Variants in SMIM26 observed in about 807,000 individuals in gnomAD.
The protein encoded by SMIM26 is long intergenic non-protein coding RNA 493.
A neutral mutation model predicts 2.5 loss-of-function variants in SMIM26; 2 were observed. The observed-to-expected ratio is 0.80, with a 90% CI of 0.33 to 2.53. The LOEUF is 2.53. Among genes scored for constraint, SMIM26 ranks in the 30% most tolerant of loss-of-function variants. The probability of loss-of-function intolerance (pLI) is 0.11; values close to 1 mark genes in which losing one functional copy is unlikely to be tolerated. For synonymous variants in SMIM26, 32 were observed against 17.8 expected (o/e 1.80, Z -2.01); for missense variants, 77 against 46.1 (o/e 1.67, Z -1.94).
chr20:18,569,591 T>A, downstream of SMIM26: 1 of 490,392 alleles, frequency 2.0e-6, no homozygotes. Context: ...TTTTTTTTTT[T>A]TGAGACGGAG....
intron 1 of SMIM26, 118 bp from the exon 2 acceptor site, chr20:18,569,118 G>T: frequency 1.8e-6 from 1 of 563,204 alleles, no homozygotes; most frequent in Non-Finnish European, 3.1e-6. Context: ...CTTCATTATT[G>T]GGGTTGGAGA....
Position 18,567,493 on chromosome 20 carries a change from G to A in SMIM26, c.15G>A (p.Glu5=). MYRN[E]FTAWYRRMSV... is the part of the protein sequence containing the mutation. Reference sequence around the variant, plus strand: ...CTGGCGTACCCATGTATCGAAATGAGTTCACGGCCTGGTACCGGCGGATGT... The same window carrying A: ...CTGGCGTACCCATGTATCGAAATGAATTCACGGCCTGGTACCGGCGGATGT... The change falls in exon 1 of 2, where the codon GAG becomes GAA. Residue 5 remains glutamate, a synonymous_variant. Coordinates refer to ENST00000411646, the MANE Select transcript of SMIM26 (RefSeq NM_001348957.2). 2 of 703,088 alleles carry A rather than the reference G, an allele frequency of 2.8e-6. No homozygotes were observed. Among genetic ancestry groups the A allele is most frequent in the South Asian group, 1.5e-5 (1 of 67,606 alleles). 43.6% of individuals were successfully genotyped at this position (703,088 alleles called of 1,614,324 possible).
Position 18,569,516 on chromosome 20 carries a change from A to C in SMIM26, c.*111A>C. Reference sequence around the variant, plus strand: ...GTGTATGTATTTAAATTTGCTGTAAAACATAATCACTAATAATATGCAATA... The same window carrying C: ...GTGTATGTATTTAAATTTGCTGTAACACATAATCACTAATAATATGCAATA... On this transcript the variant is annotated 3_prime_UTR_variant, in exon 2 of 2. Transcript: ENST00000411646. 1.4e-6 allele frequency: 1 copy of C among 691,898 alleles called. No homozygotes were observed. The highest frequency in any genetic ancestry group is 2.6e-6 in the Non-Finnish European group (1 of 380,376). The allele number at this position is 691,898 out of a possible 1,614,324, so 42.9% of individuals were successfully genotyped here.
At chr20:18,567,829 G>A in intron 1 of SMIM26, among the ~76,000 whole-genome samples, 1 of 152,326 alleles carries the variant, frequency 6.6e-6, no homozygotes, top group East Asian at 1.9e-4. Context: ...ACTGGATAGG[G>A]CCGTCCCCAT....
chr20:18,569,190 A>G (rs564828044), intron 1 of SMIM26, 46 bp from the exon 2 acceptor site: 11 of 631,102 alleles, frequency 1.7e-5, no homozygotes, highest in South Asian at 1.6e-4. Flanking sequence ...TTCTAAGTTA[A>G]TAATTCAGGT....
At chr20:18,568,466 A>AC (rs1217553711) in intron 1 of SMIM26, among the ~76,000 whole-genome samples, 5 of 151,340 alleles carry the variant, frequency 3.3e-5, no homozygotes, top group South Asian at 2.1e-4. Context: ...ACATGGGGAG[A>AC]CCCCCATCTC....
intron 1 of SMIM26, chr20:18,568,516 A>G (rs2060521765): frequency 6.6e-6 from 1 of 151,174 alleles, no homozygotes; most frequent in Non-Finnish European, 1.5e-5. Flanking sequence ...AATATTTTAT[A>G]TTTACTTTAT....
intron 1 of SMIM26, among the ~76,000 whole-genome samples, chr20:18,568,329 T>C (rs2060521297): frequency 1.3e-5 from 2 of 152,142 alleles, no homozygotes; most frequent in African/African-American, 4.8e-5. Context: ...TGAAAGTACA[T>C]GTGTCCAGCA....
chr20:18,569,528 A>G lies in SMIM26; in HGVS notation c.*123A>G, dbSNP rs1348173739. On this transcript the variant is annotated 3_prime_UTR_variant, in exon 2 of 2. Transcript: ENST00000411646. Reference sequence around the variant, plus strand: ...AAATTTGCTGTAAAACATAATCACTAATAATATGCAATAAATATTTTCTTG... The same window carrying G: ...AAATTTGCTGTAAAACATAATCACTGATAATATGCAATAAATATTTTCTTG... 1 of 659,414 alleles carries G rather than the reference A, an allele frequency of 1.5e-6. No homozygotes were observed. The highest frequency in any genetic ancestry group is 2.5e-5 in the Admixed American group (1 of 39,824). The allele number at this position is 659,414 out of a possible 1,614,324, so 40.8% of individuals were successfully genotyped here.
chr20:18,568,142 G>T (rs1157859271), intron 1 of SMIM26, among the ~76,000 whole-genome samples: 4 of 152,226 alleles, frequency 2.6e-5, no homozygotes, highest in African/African-American at 7.2e-5. Context: ...GATTCCTTTT[G>T]TGGATGAAAG....
At chr20:18,569,204 C>T (rs202142972) in intron 1 of SMIM26, 32 bp from the exon 2 acceptor site, 1 of 581,862 alleles carries the variant, frequency 1.7e-6, no homozygotes, top group South Asian at 2.0e-5. Flanking sequence ...TTCAGGTGTT[C>T]TTTTTTTTTT....
intron 1 of SMIM26, among the ~76,000 whole-genome samples, chr20:18,568,118 C>T (rs1248741396): frequency 6.6e-6 from 1 of 152,218 alleles, no homozygotes; most frequent in East Asian, 1.9e-4. Flanking sequence ...TGGGGAATGA[C>T]TGCCAAAGGT....
In SMIM26 at chr20:18,569,535, T is replaced by G. The variant is rs1457393061; in HGVS notation, c.*130T>G. The stretch of plus-strand genomic sequence containing the variant: ...CTGTAAAACATAATCACTAATAATA[T>G]GCAATAAATATTTTCTTGAAGGAAA... On this transcript the variant is annotated 3_prime_UTR_variant, in exon 2 of 2. Coordinates refer to ENST00000411646, the MANE Select transcript of SMIM26 (RefSeq NM_001348957.2). 26 of 652,254 alleles carry G rather than the reference T, an allele frequency of 4.0e-5. No individual in the cohort carries two copies. Among genetic ancestry groups the G allele is most frequent in the African/African-American group, 9.2e-5 (5 of 54,506 alleles). 40.4% of individuals were successfully genotyped at this position (652,254 alleles called of 1,614,324 possible).
rs2060524877 is a variant in SMIM26, at chr20:18,569,532, A to C, written c.*127A>C. On this transcript the variant is annotated 3_prime_UTR_variant, in exon 2 of 2. Transcript: ENST00000411646. ...TTGCTGTAAAACATAATCACTAATAATATGCAATAAATATTTTCTTGAAGG... is the reference window on the plus strand; with the variant it reads ...TTGCTGTAAAACATAATCACTAATACTATGCAATAAATATTTTCTTGAAGG... The C allele has an allele frequency of 1.5e-6, 1 of 658,502 alleles. No homozygotes were observed. The highest frequency in any genetic ancestry group is 2.7e-6 in the Non-Finnish European group (1 of 367,714). The allele number at this position is 658,502 out of a possible 1,614,324, so 40.8% of individuals were successfully genotyped here. A position where few individuals can be genotyped will look rare whatever the true frequency, so the allele number is the denominator to read the frequency against.
chr20:18,568,597 T>G (rs1352357778), intron 1 of SMIM26: 2 of 151,718 alleles, frequency 1.3e-5, no homozygotes, highest in African/African-American at 2.4e-5. Context: ...ATATTTATGT[T>G]TTCTTTCTTT....
At position 18,567,462 on chromosome 20, in the gene SMIM26, C is replaced by A. The variant is rs1196739271; in HGVS notation, c.-17C>A. On this transcript the variant is annotated 5_prime_UTR_variant, in exon 1 of 2. Transcript: ENST00000411646. ...TGCCGTGGGCCTGCGAGAATCGAGG[C>A]ACTCGCTGGCGTACCCATGTATCGA... 1.4e-6 allele frequency: 1 copy of A among 703,042 alleles called. No individual in the cohort carries two copies. Among genetic ancestry groups the A allele is most frequent in the Admixed American group, 2.0e-5 (1 of 50,020 alleles). 43.6% of individuals were successfully genotyped at this position (703,042 alleles called of 1,614,324 possible). A position where few individuals can be genotyped will look rare whatever the true frequency, so the allele number is the denominator to read the frequency against.
intron 1 of SMIM26, among the ~76,000 whole-genome samples, chr20:18,567,935 C>T (rs2060519906): frequency 6.6e-6 from 1 of 152,196 alleles, no homozygotes; most frequent in Non-Finnish European, 1.5e-5. Context: ...ACTACTGTCC[C>T]TCATCGTATA....
Position 18,567,519 on chromosome 20 carries a change from C to T in SMIM26, c.41C>T (p.Ser14Leu), listed in dbSNP as rs780356335. 2.8e-6 allele frequency: 2 copies of T among 702,930 alleles called. No homozygotes were observed. Among genetic ancestry groups the T allele is most frequent in the South Asian group, 1.5e-5 (1 of 67,604 alleles). The allele number at this position is 702,930 out of a possible 1,614,324, so 43.5% of individuals were successfully genotyped here. ...NEFTAWYRRMSVVYGIGTWSV... is the reference protein window; with the variant it reads ...NEFTAWYRRMLVVYGIGTWSV... The stretch of plus-strand genomic sequence containing the variant: ...TTCACGGCCTGGTACCGGCGGATGT[C>T]GGTGGTCTACGGGATCGGCACCTGG... The change falls in exon 1 of 2, where the codon TCG becomes TTG. Residue 14 changes from serine to leucine, a missense_variant. Transcript: ENST00000411646.
chr20:18,567,605 C>T lies in SMIM26; in HGVS notation c.118+9C>T, dbSNP rs753925301. ...AATGGCGAAGTCGTCAGGTAGGGCT[C>T]TTCGGCGGGGCCTGCCCCGGAACAC... On this transcript the variant is annotated intron_variant, in intron 1 of 1. Transcript: ENST00000411646. The T allele has an allele frequency of 4.3e-6, 3 of 703,034 alleles. No homozygotes were observed. Among genetic ancestry groups the T allele is most frequent in the South Asian group, 1.5e-5 (1 of 67,604 alleles). 43.5% of individuals were successfully genotyped at this position (703,034 alleles called of 1,614,324 possible). A position where few individuals can be genotyped will look rare whatever the true frequency, so the allele number is the denominator to read the frequency against.
Sources: gnomAD v4.1 joint callset for allele counts (sites outside exome capture counted in the v4.1 genomes callset) on GRCh38, gnomAD v4.1.1 for gene constraint, MANE v1.5 for transcripts, NCBI Gene and HGNC (gene_info 2026-07-23, HGNC 2026-07-21) for gene names.